The following ZNF804B variants were observed in gnomAD, a reference collection of about 807,000 sequenced individuals.
ZNF804B encodes zinc finger 804B.
In ZNF804B, 80 loss-of-function variants were observed where a neutral mutation model predicts 101.4. That is an observed-to-expected ratio of 0.79 (90% CI 0.66 to 0.95). The LOEUF is 0.95. Among genes scored for constraint, ZNF804B ranks in the 40% least tolerant of loss-of-function variants. ZNF804B has a pLI of 0.00. For synonymous variants in ZNF804B, 622 were observed against 558.8 expected (o/e 1.11, Z -1.59); for missense variants, 1,673 against 1,561.9 (o/e 1.07, Z -1.20).
intron 1 of ZNF804B, among the ~76,000 whole-genome samples, chr7:89,195,699 G>T (rs930048359): frequency 3.3e-5 from 5 of 151,564 alleles, no homozygotes; most frequent in Non-Finnish European, 7.4e-5. Flanking sequence ...AGAAACTTCA[G>T]CAAATCTTAG....
chr7:88,908,612 C>T (rs1410151039), intron 1 of ZNF804B, among the ~76,000 whole-genome samples: 1 of 151,644 alleles, frequency 6.6e-6, no homozygotes, highest in Non-Finnish European at 1.5e-5. Flanking sequence ...AAAATTGAAC[C>T]ACTTTTTCTT....
chr7:88,887,094 A>G (rs1268749684), intron 1 of ZNF804B, among the ~76,000 whole-genome samples: 3 of 152,196 alleles, frequency 2.0e-5, no homozygotes, highest in Non-Finnish European at 2.9e-5. Context: ...TAAAAAGTCA[A>G]AAAATAGCAG....
chr7:89,126,335 A>T (rs887835231), intron 1 of ZNF804B, among the ~76,000 whole-genome samples: 2 of 151,982 alleles, frequency 1.3e-5, no homozygotes, highest in Non-Finnish European at 2.9e-5. Context: ...ATGGCTGAGT[A>T]AACCACAGCC....
chr7:89,278,044 A>T (rs1403189279), intron 2 of ZNF804B, among the ~76,000 whole-genome samples: 2 of 152,152 alleles, frequency 1.3e-5, no homozygotes, highest in Non-Finnish European at 2.9e-5. Flanking sequence ...TTGCCATTCT[A>T]ACTGGTGTAA....
chr7:89,335,525 G>A lies in ZNF804B; in HGVS notation c.2543G>A (p.Gly848Glu). 6.2e-7 allele frequency: 1 copy of A among 1,613,862 alleles called. No individual in the cohort carries two copies. Among genetic ancestry groups the A allele is most frequent in the Non-Finnish European group, 8.5e-7 (1 of 1,179,944 alleles). The change falls in exon 4 of 4, where the codon GGA becomes GAA. Residue 848 changes from glycine to glutamate, a missense_variant. Gly to Glu is a moderately conservative substitution (Grantham distance 98). Coordinates refer to ENST00000333190, the MANE Select transcript of ZNF804B (RefSeq NM_181646.5). ...AGTAAAAAACCACCTAATTGCCAGGGAACTCAGCACGACAGATTGGACTCT... is the reference window on the plus strand; with the variant it reads ...AGTAAAAAACCACCTAATTGCCAGGAAACTCAGCACGACAGATTGGACTCT... ...GSSKKPPNCQ[G>E]TQHDRLDSYS...
Position 89,336,476 on chromosome 7 carries a change from C to T in ZNF804B, c.3494C>T (p.Ala1165Val). Residue 1165 changes from alanine (A) to valine (V), a missense_variant, in exon 4 of 4, where the codon GCC becomes GTC. Coordinates refer to ENST00000333190, the MANE Select transcript of ZNF804B (RefSeq NM_181646.5). ...AAATATAAGATCCTACAGCTACAAGCCCAGCAGCATATGCAGAAGCAACTC... is the reference window on the plus strand; with the variant it reads ...AAATATAAGATCCTACAGCTACAAGTCCAGCAGCATATGCAGAAGCAACTC... ...IDKYKILQLQ[A>V]QQHMQKQLLS... 1 of 1,614,060 alleles carries T rather than the reference C, an allele frequency of 6.2e-7. No homozygotes were observed. The highest frequency in any genetic ancestry group is 8.5e-7 in the Non-Finnish European group (1 of 1,180,010).
At chr7:88,986,416 C>T (rs1793760495) in intron 1 of ZNF804B, among the ~76,000 whole-genome samples, 1 of 152,056 alleles carries the variant, frequency 6.6e-6, no homozygotes, top group South Asian at 2.1e-4. Context: ...ACTGAATATC[C>T]TCCCAAAGTG....
intron 2 of ZNF804B, among the ~76,000 whole-genome samples, chr7:89,286,246 C>A (rs1790194149): frequency 6.6e-6 from 1 of 151,762 alleles, no homozygotes; most frequent in Admixed American, 6.6e-5. Context: ...TACACACAAT[C>A]CTCTATGGAA....
chr7:88,821,308 T>A (rs1416145655), intron 1 of ZNF804B, among the ~76,000 whole-genome samples: 1 of 152,202 alleles, frequency 6.6e-6, no homozygotes. Flanking sequence ...TTGTATTTAC[T>A]TAAATCCTAC....
At chr7:89,009,378 T>G (rs1469140389) in intron 1 of ZNF804B, among the ~76,000 whole-genome samples, 2 of 152,182 alleles carry the variant, frequency 1.3e-5, no homozygotes, top group African/African-American at 4.8e-5. Context: ...TCAATTTCAA[T>G]CACATAATTC....
intron 1 of ZNF804B, among the ~76,000 whole-genome samples, chr7:89,148,968 T>C (rs1790830541): frequency 6.6e-6 from 1 of 152,106 alleles, no homozygotes; most frequent in Non-Finnish European, 1.5e-5. Context: ...TGAGGCTCTT[T>C]CAGAGTTATT....
At chr7:89,136,354 G>A (rs1790634247) in intron 1 of ZNF804B, among the ~76,000 whole-genome samples, 1 of 151,956 alleles carries the variant, frequency 6.6e-6, no homozygotes, top group Non-Finnish European at 1.5e-5. Context: ...TCTTTACTGT[G>A]ATAAAATATG....
At chr7:89,309,038 T>G (rs34006486) in intron 2 of ZNF804B, among the ~76,000 whole-genome samples, 17,285 of 152,150 alleles carry the variant, frequency 0.11, 2,218 homozygotes, top group East Asian at 0.69. Context: ...GTTTGCTACA[T>G]AAGTATATTG....
intron 1 of ZNF804B, among the ~76,000 whole-genome samples, chr7:89,208,129 T>A (rs573999702): frequency 6.7e-6 from 1 of 149,914 alleles, no homozygotes; most frequent in Non-Finnish European, 1.5e-5. Context: ...TCGTCCAGGC[T>A]GGAGTGCAGT....
At chr7:89,202,685 G>T (rs532921178) in intron 1 of ZNF804B, among the ~76,000 whole-genome samples, 9 of 152,046 alleles carry the variant, frequency 5.9e-5, no homozygotes, top group African/African-American at 1.9e-4. Flanking sequence ...TGAGGAAATA[G>T]ACCCTCCTGA....
intron 1 of ZNF804B, among the ~76,000 whole-genome samples, chr7:89,023,402 C>T (rs1364368081): frequency 6.6e-6 from 1 of 152,178 alleles, no homozygotes; most frequent in African/African-American, 2.4e-5. Context: ...CACAGATTAA[C>T]ATTCTCCTAC....
chr7:88,967,434 A>C (rs751671867), intron 1 of ZNF804B, among the ~76,000 whole-genome samples: 1 of 151,598 alleles, frequency 6.6e-6, no homozygotes, highest in Non-Finnish European at 1.5e-5. Flanking sequence ...TCCTTCCCCC[A>C]ACACTGGGAA....
intron 1 of ZNF804B, among the ~76,000 whole-genome samples, chr7:88,931,752 C>T (rs1792889542): frequency 6.6e-6 from 1 of 151,722 alleles, no homozygotes; most frequent in Admixed American, 6.6e-5. Flanking sequence ...TGCCTGGAAT[C>T]TAGTAAATGA....
At chr7:89,189,600 C>T (rs1042650116) in intron 1 of ZNF804B, among the ~76,000 whole-genome samples, 2 of 152,108 alleles carry the variant, frequency 1.3e-5, no homozygotes, top group Non-Finnish European at 2.9e-5. Flanking sequence ...ACATTGTGAA[C>T]TAGAGTGTAT....
Sources: gnomAD v4.1 joint callset for allele counts (sites outside exome capture counted in the v4.1 genomes callset) on GRCh38, gnomAD v4.1.1 for gene constraint, MANE v1.5 for transcripts, NCBI Gene and HGNC (gene_info 2026-07-23, HGNC 2026-07-21) for gene names.